The following ROBO1 variants were observed in gnomAD, a reference collection of about 807,000 sequenced individuals.
The protein encoded by ROBO1 is roundabout homolog 1.
In ROBO1, 149 loss-of-function variants were observed where a neutral mutation model predicts 195.9. That is an observed-to-expected ratio of 0.76 (90% CI 0.67 to 0.87). ROBO1 has a LOEUF of 0.87. Among genes scored for constraint, ROBO1 ranks in the 40% least tolerant of loss-of-function variants. The pLI, the probability that ROBO1 is intolerant of heterozygous loss-of-function variation, is 0.00. For synonymous variants in ROBO1, 816 were observed against 733.2 expected, an observed-to-expected ratio of 1.11 and a Z score of -1.82; for missense variants, 1,933 against 2,068.3, an observed-to-expected ratio of 0.93 and a Z score of 1.27.
At chr3:78,920,705 G>C (rs929865426) in intron 4 of ROBO1, among the ~76,000 whole-genome samples, 5 of 129,062 alleles carry the variant, frequency 3.9e-5, no homozygotes, top group African/African-American at 1.5e-4. Context: ...CACAAACACA[G>C]CTCACTGCAG....
Position 78,655,740 on chromosome 3 carries a change from A to G in ROBO1, c.2614+1358T>C, listed in dbSNP as rs546153162. ...TGAAATAATTTCCAGGATGTCACCAATATTATTAACATGCAAAACTAGTAT... is the reference window on the plus strand; with the variant it reads ...TGAAATAATTTCCAGGATGTCACCAGTATTATTAACATGCAAAACTAGTAT... On this transcript the variant is annotated intron_variant, in intron 18 of 30. Transcript: ENST00000464233. Among the ~76,000 whole-genome samples the G allele has an allele frequency of 2.6e-5, 4 of 152,348 alleles. No individual in the cohort carries two copies. In the South Asian group the frequency reaches 8.3e-4, roughly 32 times the overall value.
chr3:78,749,349 A>G (rs1349390704), intron 4 of ROBO1, among the ~76,000 whole-genome samples: 1 of 152,150 alleles, frequency 6.6e-6, no homozygotes, highest in Non-Finnish European at 1.5e-5. Context: ...TCAAAGGTCT[A>G]AGTCAGATAA....
chr3:79,160,389 C>T (rs2080936971), intron 2 of ROBO1, among the ~76,000 whole-genome samples: 1 of 151,784 alleles, frequency 6.6e-6, no homozygotes, highest in Non-Finnish European at 1.5e-5. Flanking sequence ...CCAAATTTTG[C>T]AAATATTTTC....
intron 2 of ROBO1, among the ~76,000 whole-genome samples, chr3:79,277,844 C>G (rs1232727370): frequency 2.0e-5 from 3 of 151,216 alleles, no homozygotes; most frequent in East Asian, 3.9e-4. Context: ...CAAAAGGAAA[C>G]TATAGAGGGC....
intron 3 of ROBO1, among the ~76,000 whole-genome samples, chr3:79,107,357 A>C (rs1446020822): frequency 6.6e-6 from 1 of 151,810 alleles, no homozygotes; most frequent in East Asian, 1.9e-4. Context: ...TTATCTGATA[A>C]ATTGTGTTAA....
intron 2 of ROBO1, among the ~76,000 whole-genome samples, chr3:79,300,507 T>A (rs1364738101): frequency 6.6e-6 from 1 of 152,102 alleles, no homozygotes; most frequent in Non-Finnish European, 1.5e-5. Context: ...TCCCACCCCC[T>A]CCGTGGGCTC....
chr3:79,475,229 T>C (rs1286603182), intron 2 of ROBO1, among the ~76,000 whole-genome samples: 1 of 151,946 alleles, frequency 6.6e-6, no homozygotes, highest in Admixed American at 6.6e-5. Flanking sequence ...TTTTGAATCA[T>C]AAGGGTCAGA....
chr3:79,289,537 AG>A, intron 2 of ROBO1, among the ~76,000 whole-genome samples: 1 of 152,292 alleles, frequency 6.6e-6, no homozygotes, highest in South Asian at 2.1e-4. Context: ...CTTGGTATTA[AG>A]GCACAGTTGT....
At chr3:78,841,938 T>C (rs2033235083) in intron 4 of ROBO1, among the ~76,000 whole-genome samples, 2 of 151,996 alleles carry the variant, frequency 1.3e-5, no homozygotes, top group Non-Finnish European at 1.5e-5. Context: ...ACTCAATCTT[T>C]ATAGACTGAA....
intron 4 of ROBO1, among the ~76,000 whole-genome samples, chr3:78,870,483 A>G (rs1425026115): frequency 1.3e-5 from 2 of 152,218 alleles, no homozygotes; most frequent in Non-Finnish European, 2.9e-5. Context: ...GAAGAGGTTA[A>G]GAGTAAAAAA....
intron 2 of ROBO1, among the ~76,000 whole-genome samples, chr3:79,344,367 T>C (rs746573065): frequency 6.6e-6 from 1 of 152,106 alleles, no homozygotes; most frequent in Non-Finnish European, 1.5e-5. Context: ...CTAACAGTCC[T>C]ATCGTGCAAA....
chr3:79,489,865 A>G (rs1939363339), intron 2 of ROBO1, among the ~76,000 whole-genome samples: 1 of 152,080 alleles, frequency 6.6e-6, no homozygotes, highest in Admixed American at 6.5e-5. Context: ...CAGCTGCAAT[A>G]CAGTATTCAT....
intron 2 of ROBO1, among the ~76,000 whole-genome samples, chr3:79,468,941 C>T (rs1938117567): frequency 6.6e-6 from 1 of 152,040 alleles, no homozygotes; most frequent in African/African-American, 2.4e-5. Flanking sequence ...TCCTTTGTAT[C>T]ATAGAAGTGT....
chr3:78,809,500 A>G (rs2084659026), intron 4 of ROBO1, among the ~76,000 whole-genome samples: 1 of 152,188 alleles, frequency 6.6e-6, no homozygotes, highest in African/African-American at 2.4e-5. Flanking sequence ...GTATATACAC[A>G]AAGGATTATA....
chr3:78,622,639 G>A (rs915498172), intron 26 of ROBO1, among the ~76,000 whole-genome samples: 3 of 152,194 alleles, frequency 2.0e-5, no homozygotes, highest in Non-Finnish European at 2.9e-5. Context: ...AGGTAGATGA[G>A]TTCAACACTC....
rs772611537 is a variant in ROBO1, at chr3:78,633,918, T to C, written c.3481+17A>G. ...CCAGCTTTTTAAAGGAGAAGTTCTT[T>C]GGTTCATCTTACTTACCAGATGTAC... On this transcript the variant is annotated intron_variant, in intron 24 of 30. Coordinates refer to ENST00000464233, the MANE Select transcript of ROBO1 (RefSeq NM_002941.4). The C allele has an allele frequency of 6.5e-7, 1 of 1,531,892 alleles. No individual in the cohort carries two copies. 94.9% of individuals were successfully genotyped at this position (1,531,892 alleles called of 1,614,324 possible).
chr3:79,153,877 G>A (rs936335318), intron 2 of ROBO1, among the ~76,000 whole-genome samples: 1 of 151,286 alleles, frequency 6.6e-6, no homozygotes, highest in African/African-American at 2.4e-5. Flanking sequence ...GACAATTGCT[G>A]TTTCATCCAT....
chr3:78,704,452 C>T (rs971846406), intron 8 of ROBO1, among the ~76,000 whole-genome samples: 3 of 152,100 alleles, frequency 2.0e-5, no homozygotes, highest in African/African-American at 7.2e-5. Flanking sequence ...TTCTTTCCTC[C>T]AGAGGTGTTT....
At chr3:79,762,250 G>C (rs78021220) in intron 1 of ROBO1, among the ~76,000 whole-genome samples, 18,263 of 151,980 alleles carry the variant, frequency 0.12, 1,178 homozygotes, top group Non-Finnish European at 0.13. Flanking sequence ...GTTTAGTCGG[G>C]GGGGAAGGGG....
Sources: allele counts gnomAD v4.1 joint callset (sites outside exome capture counted in the v4.1 genomes callset), GRCh38; gene constraint gnomAD v4.1.1; transcripts MANE v1.5; gene names NCBI Gene and HGNC (gene_info 2026-07-23, HGNC 2026-07-21).